VAV3: variants seen among roughly 807,000 people sequenced by gnomAD.
The protein encoded by VAV3 is guanine nucleotide exchange factor VAV3.
VAV3 carries 94 observed loss-of-function variants against 131.2 expected under a neutral mutation model. The ratio of observed to expected loss-of-function variants is 0.72; its 90% CI spans 0.61 to 0.85. The LOEUF is 0.85. Among genes scored for constraint, VAV3 ranks in the 40% least tolerant of loss-of-function variants. The pLI is 0.00. For synonymous variants in VAV3, 349 were observed against 342.0 expected (o/e 1.02, Z -0.22); for missense variants, 939 against 1,002.7 (o/e 0.94, Z 0.86).
intron 15 of VAV3, among the ~76,000 whole-genome samples, chr1:107,710,312 A>C (rs917399936): frequency 6.6e-6 from 1 of 152,198 alleles, no homozygotes; most frequent in African/African-American, 2.4e-5. Context: ...GGTTTATTTC[A>C]TCATATTGCA....
chr1:107,592,851 A>T (rs941615416), intron 25 of VAV3, among the ~76,000 whole-genome samples: 1 of 152,148 alleles, frequency 6.6e-6, no homozygotes, highest in Non-Finnish European at 1.5e-5. Flanking sequence ...ATGCCCTTCA[A>T]ATATACAAGC....
At chr1:107,822,663 AAT>A (rs1557867274) in intron 2 of VAV3, among the ~76,000 whole-genome samples, 143 of 73,994 alleles carry the variant, frequency 1.9e-3, no homozygotes, top group South Asian at 2.0e-3. Flanking sequence ...AAAAAAAATA[AAT>A]AAATAAATAA....
chr1:107,948,738 G>A (rs1380866617), intron 1 of VAV3, among the ~76,000 whole-genome samples: 2 of 152,006 alleles, frequency 1.3e-5, no homozygotes, highest in Admixed American at 6.6e-5. Context: ...AGCTACTCAG[G>A]AGGAGGCTGA....
intron 19 of VAV3, among the ~76,000 whole-genome samples, chr1:107,664,772 T>A (rs909898670): frequency 2.0e-5 from 3 of 151,944 alleles, no homozygotes; most frequent in Admixed American, 1.3e-4. Context: ...ATATGGAGTA[T>A]TATAAAGTAG....
intron 1 of VAV3, among the ~76,000 whole-genome samples, chr1:107,942,864 C>A (rs1674071014): frequency 6.6e-6 from 1 of 152,174 alleles, no homozygotes; most frequent in African/African-American, 2.4e-5. Flanking sequence ...TTTTTATCTG[C>A]TAAATAACAA....
At chr1:107,936,005 G>A (rs1474663163) in intron 1 of VAV3, among the ~76,000 whole-genome samples, 4 of 152,146 alleles carry the variant, frequency 2.6e-5, no homozygotes, top group Non-Finnish European at 4.4e-5. Flanking sequence ...ACACATTTAT[G>A]CCCCTTTTGG....
intron 20 of VAV3, among the ~76,000 whole-genome samples, chr1:107,628,035 T>C (rs535905948): frequency 6.7e-6 from 1 of 149,538 alleles, no homozygotes; most frequent in Non-Finnish European, 1.5e-5. Flanking sequence ...CACAGTATGA[T>C]GGGTGTTATG....
intron 1 of VAV3, among the ~76,000 whole-genome samples, chr1:107,952,411 A>G (rs1674583356): frequency 6.7e-6 from 1 of 149,408 alleles, no homozygotes; most frequent in Non-Finnish European, 1.5e-5. Context: ...AACCCCCATG[A>G]CACACGTTTA....
At chr1:107,913,735 T>A (rs983247098) in intron 1 of VAV3, among the ~76,000 whole-genome samples, 1 of 151,960 alleles carries the variant, frequency 6.6e-6, no homozygotes, top group Non-Finnish European at 1.5e-5. Context: ...CTTGGCAGAG[T>A]GGAGTATTAA....
intron 2 of VAV3, among the ~76,000 whole-genome samples, chr1:107,836,697 G>T (rs996074060): frequency 6.6e-6 from 1 of 152,008 alleles, no homozygotes; most frequent in Non-Finnish European, 1.5e-5. Flanking sequence ...AAACAGAAAA[G>T]ATACAGATAA....
At chr1:107,787,586 G>A (rs1666075968) in intron 2 of VAV3, among the ~76,000 whole-genome samples, 1 of 152,054 alleles carries the variant, frequency 6.6e-6, no homozygotes, top group South Asian at 2.1e-4. Context: ...AGGTTTGATG[G>A]GCAAGAATGA....
chr1:107,869,211 G>C (rs556295740), intron 2 of VAV3, among the ~76,000 whole-genome samples: 1 of 152,184 alleles, frequency 6.6e-6, no homozygotes, highest in East Asian at 1.9e-4. Flanking sequence ...AATTAAGAAA[G>C]AGGAAAGTGT....
intron 1 of VAV3, among the ~76,000 whole-genome samples, chr1:107,941,241 C>T (rs1306204246): frequency 6.6e-6 from 1 of 152,198 alleles, no homozygotes; most frequent in Non-Finnish European, 1.5e-5. Flanking sequence ...TCTTCTACTT[C>T]TTCTGAGTCC....
At chr1:107,839,901 A>G (rs1253329052) in intron 2 of VAV3, among the ~76,000 whole-genome samples, 1 of 152,196 alleles carries the variant, frequency 6.6e-6, no homozygotes, top group Non-Finnish European at 1.5e-5. Flanking sequence ...GAACAACACT[A>G]TGCCCACAAA....
At chr1:107,784,621 A>C (rs2102247335) in intron 2 of VAV3, among the ~76,000 whole-genome samples, 1 of 152,352 alleles carries the variant, frequency 6.6e-6, no homozygotes, top group South Asian at 2.1e-4. Flanking sequence ...CGTGCCAGTG[A>C]TCTGTTCATT....
intron 1 of VAV3, among the ~76,000 whole-genome samples, chr1:107,881,789 C>T (rs1171356881): frequency 1.3e-5 from 2 of 152,160 alleles, no homozygotes; most frequent in Non-Finnish European, 2.9e-5. Context: ...AACCAGGTAG[C>T]TACCACAACA....
At chr1:107,683,802 T>C (rs539979019) in intron 18 of VAV3, among the ~76,000 whole-genome samples, 6 of 152,296 alleles carry the variant, frequency 3.9e-5, no homozygotes, top group African/African-American at 1.4e-4. Flanking sequence ...ACTCCAAATA[T>C]TGGGACTCAA....
At chr1:107,829,049 G>A (rs1190174616) in intron 2 of VAV3, among the ~76,000 whole-genome samples, 1 of 152,166 alleles carries the variant, frequency 6.6e-6, no homozygotes, top group Non-Finnish European at 1.5e-5. Flanking sequence ...ATGCTGGAAA[G>A]CAGCATGCAC....
chr1:107,753,474 ATGTG>A (rs111952693), intron 12 of VAV3, among the ~76,000 whole-genome samples: 2 of 137,856 alleles, frequency 1.5e-5, no homozygotes, highest in Non-Finnish European at 3.1e-5. Context: ...GTGTGTATGT[ATGTG>A]TGTGTGTATA....
Sources: gnomAD v4.1 joint callset for allele counts (sites outside exome capture counted in the v4.1 genomes callset) on GRCh38, gnomAD v4.1.1 for gene constraint, MANE v1.5 for transcripts, NCBI Gene and HGNC (gene_info 2026-07-23, HGNC 2026-07-21) for gene names.